Variants in PTPRE observed in about 807,000 individuals in gnomAD.
The protein encoded by PTPRE is receptor-type tyrosine-protein phosphatase epsilon.
Under a neutral mutation model 102.0 loss-of-function variants are expected in PTPRE, and 51 were observed. That is an observed-to-expected ratio of 0.50 (90% CI 0.40 to 0.63). The LOEUF (loss-of-function observed/expected upper bound fraction) is 0.63. PTPRE is among the 30% of genes least tolerant of loss of function. The pLI is 0.00. For missense variants in PTPRE, 752 were observed against 915.1 expected, an observed-to-expected ratio of 0.82 and a Z score of 2.30; for synonymous variants, 345 against 348.2, an observed-to-expected ratio of 0.99 and a Z score of 0.10.
chr10:127,983,938 C>T (rs370168883), intron 2 of PTPRE, among the ~76,000 whole-genome samples: 3 of 152,262 alleles, frequency 2.0e-5, no homozygotes, highest in East Asian at 3.9e-4. Flanking sequence ...GTGCCCCACC[C>T]GAAGGTCACT....
intron 2 of PTPRE, among the ~76,000 whole-genome samples, chr10:127,996,447 G>A (rs893081120): frequency 6.6e-6 from 1 of 152,232 alleles, no homozygotes; most frequent in Non-Finnish European, 1.5e-5. Context: ...ATCATACTGT[G>A]TACATGCCCT....
intron 1 of PTPRE, among the ~76,000 whole-genome samples, chr10:127,936,336 G>T (rs1847843971): frequency 6.6e-6 from 1 of 152,086 alleles, no homozygotes; most frequent in Non-Finnish European, 1.5e-5. Flanking sequence ...TTGGGGGCTG[G>T]TTTTTTTAAT....
At chr10:127,968,789 C>G (rs1175905706) in intron 1 of PTPRE, among the ~76,000 whole-genome samples, 1 of 152,228 alleles carries the variant, frequency 6.6e-6, no homozygotes, top group African/African-American at 2.4e-5. Context: ...TGTGGCAGCA[C>G]TTTGCATGAG....
At chr10:128,021,066 T>G (rs1444092202) in intron 2 of PTPRE, among the ~76,000 whole-genome samples, 1 of 151,928 alleles carries the variant, frequency 6.6e-6, no homozygotes, top group Non-Finnish European at 1.5e-5. Context: ...GGCTAATTTT[T>G]TTGTATTTTT....
chr10:128,069,851 C>A, intron 13 of PTPRE, 24 bp downstream of exon 13: 1 of 1,614,188 alleles, frequency 6.2e-7, no homozygotes, highest in Non-Finnish European at 8.5e-7. Flanking sequence ...TCCTCTTGCC[C>A]TGATCTAGCT....
At chr10:128,064,392 A>T (rs1001354992) in intron 10 of PTPRE, among the ~76,000 whole-genome samples, 1 of 152,234 alleles carries the variant, frequency 6.6e-6, no homozygotes, top group Non-Finnish European at 1.5e-5. Context: ...ATGCTTTGTC[A>T]TGGGGAAGAG....
At chr10:128,009,375 C>G (rs1005095572) in intron 2 of PTPRE, among the ~76,000 whole-genome samples, 1 of 152,144 alleles carries the variant, frequency 6.6e-6, no homozygotes, top group Non-Finnish European at 1.5e-5. Context: ...CTGTTAATTC[C>G]TGAGAGATCA....
Position 127,975,921 on chromosome 10 carries a change from TC to T in PTPRE, c.-30-6348del, listed in dbSNP as rs1008515858. Among the ~76,000 whole-genome samples, 23 of 152,026 alleles carry T rather than the reference TC, an allele frequency of 1.5e-4. 1 individual carries two copies. Among genetic ancestry groups the T allele is most frequent in the Admixed American group, 1.5e-3 (23 of 15,264 alleles). On this transcript the variant is annotated intron_variant, in intron 1 of 20. Coordinates refer to ENST00000254667, the MANE Select transcript of PTPRE (RefSeq NM_006504.6). ...CTACCCTATATCTCTGAGCCTCAGT[TC>T]CCCCTCTGCAAAGTGGGTCTAATAA...
At chr10:128,032,706 T>C (rs936770242) in intron 2 of PTPRE, among the ~76,000 whole-genome samples, 7 of 152,220 alleles carry the variant, frequency 4.6e-5, no homozygotes, top group African/African-American at 1.7e-4. Context: ...GCCCACACCA[T>C]GGCCTGTGAG....
intron 3 of PTPRE, among the ~76,000 whole-genome samples, chr10:128,044,557 A>G (rs1847940739): frequency 6.6e-6 from 1 of 152,238 alleles, no homozygotes; most frequent in South Asian, 2.1e-4. Context: ...CTATGTAAGC[A>G]AACACACACA....
rs1243058279 is a variant in PTPRE at position 128,066,188 on chromosome 10, A to G, written c.837A>G (p.Ile279Met). The G allele has an allele frequency of 1.2e-6, 2 of 1,613,818 alleles. No homozygotes were observed. The highest frequency in any genetic ancestry group is 2.7e-5 in the African/African-American group (2 of 74,946). The change falls in exon 11 of 21, where the codon ATA (isoleucine) becomes ATG (methionine). Residue 279 changes from isoleucine to methionine, a missense_variant. Ile to Met is a conservative substitution (Grantham distance 10). This residue lies in a region of PTPRE where 636 missense variants were observed against 824.4 expected (regional missense o/e 0.77). Coordinates refer to ENST00000254667, the MANE Select transcript of PTPRE (RefSeq NM_006504.6). ...LVDYTIRKFCIQPQLPDGCKA... is the reference protein window; with the variant it reads ...LVDYTIRKFCMQPQLPDGCKA... ...ACTACACCATCCGGAAGTTCTGCAT[A>G]CAGCCAGTAAGCATCTCTAGTTGCT...
At chr10:127,993,173 G>A (rs1334120036) in intron 2 of PTPRE, among the ~76,000 whole-genome samples, 5 of 152,242 alleles carry the variant, frequency 3.3e-5, no homozygotes, top group African/African-American at 1.2e-4. Context: ...GCAACCCAGG[G>A]GCTCCTCTTC....
Position 128,069,781 on chromosome 10 carries a change from T to G in PTPRE, c.1097T>G (p.Phe366Cys), listed in dbSNP as rs1174437499. 1.9e-6 allele frequency: 3 copies of G among 1,614,204 alleles called. No individual in the cohort carries two copies. Among genetic ancestry groups the G allele is most frequent in the Non-Finnish European group, 2.5e-6 (3 of 1,180,036 alleles). ...HAEQKVDVFE[F>C]VSRIRNQRPQ... ...GAGCAGAAGGTGGATGTGTTTGAATTTGTGTCTCGAATCCGTAATCAGCGC... is the reference window on the plus strand; with the variant it reads ...GAGCAGAAGGTGGATGTGTTTGAATGTGTGTCTCGAATCCGTAATCAGCGC... Residue 366 changes from phenylalanine (F) to cysteine (C), a missense_variant, in exon 13 of 21, where the codon TTT (phenylalanine) becomes TGT (cysteine). By Grantham distance (205) the Phe-to-Cys change is radical (BLOSUM62 -2). Coordinates refer to ENST00000254667, the MANE Select transcript of PTPRE (RefSeq NM_006504.6).
At chr10:127,909,895 T>C (rs530218726) in intron 1 of PTPRE, among the ~76,000 whole-genome samples, 1 of 152,186 alleles carries the variant, frequency 6.6e-6, no homozygotes, top group Non-Finnish European at 1.5e-5. Flanking sequence ...CATCCAGGGC[T>C]CATGTGGCCA....
At chr10:128,032,180 T>C (rs1846815147) in intron 2 of PTPRE, among the ~76,000 whole-genome samples, 1 of 152,130 alleles carries the variant, frequency 6.6e-6, no homozygotes, top group Non-Finnish European at 1.5e-5. Flanking sequence ...CACGTCTGGC[T>C]AATTTTTGTA....
chr10:127,947,347 C>A (rs1029972760), intron 1 of PTPRE, among the ~76,000 whole-genome samples: 1 of 152,154 alleles, frequency 6.6e-6, no homozygotes, highest in East Asian at 1.9e-4. Flanking sequence ...AAACTCCTCT[C>A]CTAGGAAAAC....
At chr10:128,036,860 C>T (rs72847369) in intron 2 of PTPRE, among the ~76,000 whole-genome samples, 10,111 of 152,240 alleles carry the variant, frequency 0.066, 525 homozygotes, top group Middle Eastern at 0.095. Context: ...TGGGATGGTC[C>T]TGAGACTCTG....
At chr10:128,010,586 C>CTTTTCTTTTCTTTTG in intron 2 of PTPRE, among the ~76,000 whole-genome samples, 1 of 150,022 alleles carries the variant, frequency 6.7e-6, no homozygotes, top group Non-Finnish European at 1.5e-5. Flanking sequence ...CTTTTCTTTT[C>CTTTTCTTTTCTTTTG]TTTTCTTTCC....
At chr10:128,056,066 C>T in intron 6 of PTPRE, 57 bp from the exon 7 acceptor site, 1 of 1,353,706 alleles carries the variant, frequency 7.4e-7, no homozygotes, top group South Asian at 1.2e-5. Context: ...GGGAAACTGA[C>T]ATGAGCATGG....
Sources: gnomAD v4.1 joint callset for allele counts (sites outside exome capture counted in the v4.1 genomes callset) on GRCh38, gnomAD v4.1.1 for gene constraint, gnomAD v4.1.1 regional missense constraint, MANE v1.5 for transcripts, NCBI Gene and HGNC (gene_info 2026-07-23, HGNC 2026-07-21) for gene names.